SLC1A6: variants seen among roughly 807,000 people sequenced by gnomAD.
SLC1A6 encodes solute carrier family 1 member 6.
In SLC1A6, 15 loss-of-function variants were observed where a neutral mutation model predicts 42.1. The ratio of observed to expected loss-of-function variants is 0.36; its 90% confidence interval spans 0.24 to 0.55. The LOEUF (loss-of-function observed/expected upper bound fraction) is 0.55. Among genes scored for constraint, SLC1A6 ranks in the 20% least tolerant of loss-of-function variants. SLC1A6 has a pLI of 0.88. For synonymous variants in SLC1A6, 317 were observed against 319.7 expected (o/e 0.99, Z 0.09); for missense variants, 542 against 772.5 (o/e 0.70, Z 3.54).
chr19:14,976,418 T>C (rs2045711665), intron 1 of SLC1A6, among the ~76,000 whole-genome samples: 1 of 152,250 alleles, frequency 6.6e-6, no homozygotes, highest in Non-Finnish European at 1.5e-5. Context: ...TATGTTTCAT[T>C]ATGTATATCA....
chr19:14,951,078 C>CAAA (rs59828742), intron 9 of SLC1A6, among the ~76,000 whole-genome samples: 1,118 of 79,736 alleles, frequency 0.014, 20 homozygotes, highest in Admixed American at 0.048. Flanking sequence ...ACTAAAAATA[C>CAAA]AAAAAAAAAA....
At chr19:15,009,908 G>A (rs1333879738) in intron 1 of SLC1A6, among the ~76,000 whole-genome samples, 1 of 152,138 alleles carries the variant, frequency 6.6e-6, no homozygotes, top group Non-Finnish European at 1.5e-5. Flanking sequence ...AGCCAGGCGT[G>A]GTGGCTCACG....
At chr19:14,951,562 G>A (rs1458818146) in intron 9 of SLC1A6, among the ~76,000 whole-genome samples, 1 of 152,012 alleles carries the variant, frequency 6.6e-6, no homozygotes, top group East Asian at 1.9e-4. Context: ...TGTTGCCCAG[G>A]CTGGAGTGCA....
intron 1 of SLC1A6, among the ~76,000 whole-genome samples, chr19:14,993,384 C>G (rs940670768): frequency 5.9e-5 from 9 of 152,008 alleles, no homozygotes; most frequent in Non-Finnish European, 1.0e-4. Context: ...TAGCACAGCA[C>G]TGCAAATGTA....
intron 1 of SLC1A6, among the ~76,000 whole-genome samples, chr19:14,978,803 C>CGT (rs1451321567): frequency 2.0e-5 from 3 of 152,050 alleles, no homozygotes; most frequent in Admixed American, 6.6e-5. Context: ...TTCATGTACA[C>CGT]CCTCAGGCAC....
intron 1 of SLC1A6, among the ~76,000 whole-genome samples, chr19:14,975,756 A>G (rs986021320): frequency 1.3e-5 from 1 of 77,654 alleles, no homozygotes; most frequent in Non-Finnish European, 2.6e-5. Context: ...TTGTCAAAAA[A>G]AAAAAAAAAG....
intron 1 of SLC1A6, among the ~76,000 whole-genome samples, chr19:14,989,104 G>C (rs1429510624): frequency 1.3e-5 from 2 of 152,090 alleles, no homozygotes. Context: ...ACAGACACCG[G>C]CAACTCCAAA....
intron 5 of SLC1A6, among the ~76,000 whole-genome samples, chr19:14,963,570 T>C (rs1461311139): frequency 6.6e-6 from 1 of 152,244 alleles, no homozygotes; most frequent in South Asian, 2.1e-4. Context: ...TAAATACATA[T>C]AATCTTTGTG....
At chr19:14,984,889 G>T (rs113672838) in intron 1 of SLC1A6, among the ~76,000 whole-genome samples, 1,874 of 117,880 alleles carry the variant, frequency 0.016, 46 homozygotes, top group African/African-American at 0.066. Context: ...CAATTTTTTT[G>T]TTTGTTTGTT....
chr19:14,959,451 C>G (rs554695544), intron 6 of SLC1A6, among the ~76,000 whole-genome samples: 111 of 152,262 alleles, frequency 7.3e-4, no homozygotes, highest in Non-Finnish European at 1.3e-3. Flanking sequence ...TGATGAACAC[C>G]CTTTCTGCAG....
intron 1 of SLC1A6, among the ~76,000 whole-genome samples, chr19:14,998,585 G>A (rs8099980): frequency 0.097 from 14,820 of 152,014 alleles, 882 homozygotes; most frequent in East Asian, 0.2. Flanking sequence ...AACAAAAAAA[G>A]CAGAGATCTT....
chr19:14,965,447 A>G lies in SLC1A6; in HGVS notation c.549-1086T>C, dbSNP rs561301490. On this transcript the variant is annotated intron_variant, in intron 4 of 9. Transcript: ENST00000594383. ...CCTGCACACATATGTTTATCACAGT[A>G]CAATTCACAGTTGCAAAGAAATGGA... 2.7e-4 allele frequency among the ~76,000 whole-genome samples: 41 copies of G among 152,380 alleles called. No individual in the cohort carries two copies. The East Asian group carries it at 5.2e-3, about 19-fold the overall frequency.
chr19:14,995,146 G>A (rs1017442346), intron 1 of SLC1A6, among the ~76,000 whole-genome samples: 9 of 152,002 alleles, frequency 5.9e-5, no homozygotes, highest in African/African-American at 1.9e-4. Flanking sequence ...CCAATATGGC[G>A]AAACTCCGTC....
At chr19:14,981,653 G>C (rs963687118), upstream of SLC1A6, among the ~76,000 whole-genome samples, 11 of 152,154 alleles carry the variant, frequency 7.2e-5, no homozygotes, top group South Asian at 2.3e-3. Context: ...AGACAACAGA[G>C]CCCTCGGTCT....
rs1291196769 is a variant in SLC1A6, at chr19:14,950,645, T to C, written c.1500-255A>G. On this transcript the variant is annotated intron_variant, in intron 9 of 9. Coordinates refer to ENST00000594383, the MANE Select transcript of SLC1A6 (RefSeq NM_005071.3). ...ATTTTTTAAAAAATGAGGCTGGGTG[T>C]GGTTTACAGAAAAAAGATCATATCA... 2.0e-5 allele frequency among the ~76,000 whole-genome samples: 3 copies of C among 152,102 alleles called. No individual in the cohort carries two copies. In the East Asian group the frequency reaches 5.8e-4, roughly 29 times the overall value.
chr19:14,986,129 C>T (rs1201329354), intron 1 of SLC1A6, among the ~76,000 whole-genome samples: 6 of 149,976 alleles, frequency 4.0e-5, no homozygotes, highest in Non-Finnish European at 7.4e-5. Context: ...TTGGAGACAG[C>T]TACCATGATA....
intron 1 of SLC1A6, among the ~76,000 whole-genome samples, chr19:14,999,484 G>T (rs984249465): frequency 6.6e-6 from 1 of 152,142 alleles, no homozygotes; most frequent in Non-Finnish European, 1.5e-5. Context: ...CCAAGCTGTA[G>T]CTTAAAGACC....
chr19:14,971,856 G>A lies in SLC1A6; in HGVS notation c.224C>T (p.Ala75Val). 6.2e-7 allele frequency: 1 copy of A among 1,614,156 alleles called. No individual in the cohort carries two copies. The highest frequency in any genetic ancestry group is 2.2e-5 in the East Asian group (1 of 44,894). The change falls in exon 3 of 10, where the codon GCC becomes GTC. Residue 75 changes from alanine to valine, a missense_variant. This residue lies in a region of SLC1A6 where 25 missense variants were observed against 32.3 expected (regional missense o/e 0.77). Transcript: ENST00000594383. ...AVVIGVSLAF[A>V]LRPYQLTYRQ... ...GTAGGTGAGCTGATATGGGCGCAGG[G>A]CAAAGGCCAGGCTGACCCCTAGGGC...
rs1423209286 is a variant in SLC1A6, at chr19:14,950,342, C to A, written c.1548G>T (p.Ala516=). Residue 516 remains alanine, a synonymous_variant, in exon 10 of 10, where the codon GCG becomes GCT. Transcript: ENST00000594383. ...GCTGAGACAAGTGCTCGATGACGGC[C>A]GCTCCAATTGAGTCCCCCAGTACGT... is the stretch of plus-strand genomic sequence containing the variant. ...MTNVLGDSIG[A]AVIEHLSQRE... The A allele has an allele frequency of 6.2e-7, 1 of 1,609,634 alleles. No homozygotes were observed. Among genetic ancestry groups the A allele is most frequent in the Non-Finnish European group, 8.5e-7 (1 of 1,177,626 alleles).
Sources: gnomAD v4.1 joint callset for allele counts (sites outside exome capture counted in the v4.1 genomes callset) on GRCh38, gnomAD v4.1.1 for gene constraint, gnomAD v4.1.1 regional missense constraint, MANE v1.5 for transcripts, NCBI Gene and HGNC (gene_info 2026-07-23, HGNC 2026-07-21) for gene names.